ADGRL2: variants seen among roughly 807,000 people sequenced by gnomAD.
ADGRL2 encodes calcium-independent alpha-latrotoxin receptor 2.
Under a neutral mutation model 157.4 loss-of-function variants are expected in ADGRL2, and 44 were observed. The observed-to-expected ratio is 0.28, with a 90% CI of 0.22 to 0.36. The LOEUF (loss-of-function observed/expected upper bound fraction) is 0.36. Ranked by LOEUF, ADGRL2 falls within the 10% of genes least tolerant of loss-of-function variation. The pLI is 1.00. For synonymous variants in ADGRL2, 585 were observed against 624.7 expected, an observed-to-expected ratio of 0.94 and a Z score of 0.95; for missense variants, 1,510 against 1,768.9, an observed-to-expected ratio of 0.85 and a Z score of 2.63.
chr1:81,433,227 T>C (rs12118055), intron 1 of ADGRL2, among the ~76,000 whole-genome samples: 26,149 of 152,194 alleles, frequency 0.17, 3,161 homozygotes, highest in East Asian at 0.63. Context: ...AATCAAAATG[T>C]CATGTGATTT....
At chr1:81,956,755 CTTAG>C (rs1572356973) in intron 11 of ADGRL2, among the ~76,000 whole-genome samples, 1 of 152,144 alleles carries the variant, frequency 6.6e-6, no homozygotes, top group East Asian at 1.9e-4. Flanking sequence ...AACAGTATAC[CTTAG>C]TTAGTGAAGT....
At chr1:81,455,449 TTTTC>T (rs2077784376) in intron 2 of ADGRL2, among the ~76,000 whole-genome samples, 1 of 152,074 alleles carries the variant, frequency 6.6e-6, no homozygotes, top group Non-Finnish European at 1.5e-5. Context: ...ACCGTGAAAA[TTTTC>T]CTTCTCATAA....
intron 3 of ADGRL2, among the ~76,000 whole-genome samples, chr1:81,598,299 T>A (rs180687130): frequency 3.3e-5 from 5 of 152,204 alleles, no homozygotes; most frequent in African/African-American, 1.2e-4. Context: ...TTTGGCTGTT[T>A]GGGTAGATTC....
At chr1:81,861,909 A>G (rs968060852) in intron 2 of ADGRL2, among the ~76,000 whole-genome samples, 6 of 152,060 alleles carry the variant, frequency 3.9e-5, no homozygotes, top group African/African-American at 7.2e-5. Context: ...AAAGAAACAC[A>G]TGAATTTGCT....
intron 2 of ADGRL2, among the ~76,000 whole-genome samples, chr1:81,477,694 T>C (rs780085577): frequency 6.6e-6 from 1 of 152,246 alleles, no homozygotes. Flanking sequence ...TTAGTAAATA[T>C]ACTGCATGTT....
At chr1:81,871,681 A>G (rs4631738) in intron 2 of ADGRL2, among the ~76,000 whole-genome samples, 151,564 of 152,274 alleles carry the variant, frequency 1, 75,435 homozygotes, top group Non-Finnish European at 1. Context: ...TTCTCTGATG[A>G]CCGATGATGA....
intron 3 of ADGRL2, among the ~76,000 whole-genome samples, chr1:81,582,926 C>T (rs1028462538): frequency 2.0e-5 from 3 of 152,056 alleles, no homozygotes; most frequent in Non-Finnish European, 2.9e-5. Flanking sequence ...CCCCAACACA[C>T]AACACACAAC....
chr1:81,682,103 A>ATATG, intron 3 of ADGRL2, among the ~76,000 whole-genome samples: 1 of 148,036 alleles, frequency 6.8e-6, no homozygotes, highest in African/African-American at 2.5e-5. Flanking sequence ...ATACATATAT[A>ATATG]TGTGTGTGTG....
chr1:81,776,399 G>T, intron 2 of ADGRL2, among the ~76,000 whole-genome samples: 1 of 152,072 alleles, frequency 6.6e-6, no homozygotes, highest in Non-Finnish European at 1.5e-5. Context: ...ATGTTGGCCA[G>T]GATGGTCTCA....
At chr1:81,932,911 A>G (rs752078632) in intron 3 of ADGRL2, among the ~76,000 whole-genome samples, 16 of 152,130 alleles carry the variant, frequency 1.1e-4, no homozygotes, top group Non-Finnish European at 2.4e-4. Flanking sequence ...CATGTTGGTC[A>G]GGCTGGTCTC....
At chr1:81,338,738 G>A (rs1661836642) in intron 1 of ADGRL2, among the ~76,000 whole-genome samples, 1 of 152,114 alleles carries the variant, frequency 6.6e-6, no homozygotes, top group Non-Finnish European at 1.5e-5. Context: ...CTGCAAATGA[G>A]GAAATTGAGA....
At chr1:81,499,896 A>G (rs1364379435) in intron 2 of ADGRL2, among the ~76,000 whole-genome samples, 1 of 152,168 alleles carries the variant, frequency 6.6e-6, no homozygotes, top group East Asian at 1.9e-4. Flanking sequence ...TTATATGTAC[A>G]TATGTGTATA....
In ADGRL2 at chr1:81,915,116, A is replaced by T. The variant is rs1047484345; in HGVS notation, c.287+7886A>T. Reference sequence around the variant, plus strand: ...GATCCTTGGTTTCTCCTTTTTTTTGACAGGGTCTTACAGCTGGAGTGCAGT... The same window carrying T: ...GATCCTTGGTTTCTCCTTTTTTTTGTCAGGGTCTTACAGCTGGAGTGCAGT... On this transcript the variant is annotated intron_variant, in intron 3 of 23. Coordinates refer to ENST00000686636, the MANE Select transcript of ADGRL2 (RefSeq NM_001366006.2). Among the ~76,000 whole-genome samples, 55 of 152,120 alleles carry T rather than the reference A, an allele frequency of 3.6e-4. 1 individual carries two copies. The highest frequency in any genetic ancestry group is 1.3e-3 in the African/African-American group (55 of 41,508).
chr1:81,835,427 T>G (rs1365853937), intron 1 of ADGRL2, among the ~76,000 whole-genome samples: 2 of 152,168 alleles, frequency 1.3e-5, no homozygotes, highest in African/African-American at 4.8e-5. Flanking sequence ...GTAGAATAAC[T>G]TTCAGGTTTA....
chr1:81,643,465 A>G (rs143805924), intron 3 of ADGRL2, among the ~76,000 whole-genome samples: 274 of 152,210 alleles, frequency 1.8e-3, no homozygotes, highest in African/African-American at 6.5e-3. Context: ...AGTATGTGCC[A>G]CCATACCTAG....
At chr1:81,555,744 C>T (rs1036928289) in intron 2 of ADGRL2, among the ~76,000 whole-genome samples, 2 of 152,166 alleles carry the variant, frequency 1.3e-5, no homozygotes, top group Non-Finnish European at 2.9e-5. Flanking sequence ...ACCCCAGTCT[C>T]TTGGAATCAA....
rs557074688 is a variant in ADGRL2 at position 81,606,781 on chromosome 1, C to CGCGT, written c.-143+25802_-143+25803insCGTG. 7.1e-3 allele frequency among the ~76,000 whole-genome samples: 801 copies of CGCGT among 113,114 alleles called. 4 individuals carry two copies. Among genetic ancestry groups the CGCGT allele is most frequent in the Non-Finnish European group, 0.014 (651 of 45,102 alleles). The allele number at this position is 113,114 out of a possible 152,430, so 74.2% of individuals were successfully genotyped here. ...GTGTGTGTGTGTGTGTGTGCGCACGCGTGTGTGTGTGTTTATGGCCTAGGC... is the reference window on the plus strand; with the variant it reads ...GTGTGTGTGTGTGTGTGTGCGCACGCGCGTGTGTGTGTGTGTTTATGGCCTAGGC... On this transcript the variant is annotated intron_variant, in intron 3 of 24. Transcript: ENST00000370721.
At chr1:81,869,949 C>CT (rs1403931845) in intron 2 of ADGRL2, among the ~76,000 whole-genome samples, 1 of 151,890 alleles carries the variant, frequency 6.6e-6, no homozygotes, top group African/African-American at 2.4e-5. Context: ...GGCTGTGCAT[C>CT]TTAAACAGTA....
intron 2 of ADGRL2, among the ~76,000 whole-genome samples, chr1:81,842,042 C>G (rs535996248): frequency 2.0e-5 from 3 of 152,018 alleles, no homozygotes; most frequent in African/African-American, 7.2e-5. Flanking sequence ...CATTAGTTAA[C>G]ATTGCTGACA....
Sources: allele counts gnomAD v4.1 joint callset (sites outside exome capture counted in the v4.1 genomes callset), GRCh38; gene constraint gnomAD v4.1.1; transcripts MANE v1.5; gene names NCBI Gene and HGNC (gene_info 2026-07-23, HGNC 2026-07-21).